RIC8B: variants seen among roughly 807,000 people sequenced by gnomAD.
RIC8B encodes the protein RIC8 guanine nucleotide exchange factor B.
A neutral mutation model predicts 57.5 loss-of-function variants in RIC8B; 16 were observed. That is an observed-to-expected ratio of 0.28 (90% CI 0.19 to 0.42). The LOEUF (loss-of-function observed/expected upper bound fraction) is 0.42, where lower values mean the gene tolerates loss of function less well. RIC8B is among the 10% of genes least tolerant of loss of function. The probability of loss-of-function intolerance (pLI) is 1.00; values close to 1 mark genes in which losing one functional copy is unlikely to be tolerated. For missense variants in RIC8B, 481 were observed against 677.0 expected (o/e 0.71, Z 3.21); for synonymous variants, 216 against 250.8 (o/e 0.86, Z 1.31).
chr12:106,840,576 T>G (rs142183712), intron 4 of RIC8B, among the ~76,000 whole-genome samples: 49 of 152,326 alleles, frequency 3.2e-4, no homozygotes, highest in African/African-American at 1.1e-3. Flanking sequence ...CCTTCCTTAC[T>G]TAAAAAGAAT....
At chr12:106,874,531 C>T (rs1183204478) in intron 9 of RIC8B, 1 of 1,551,154 alleles carries the variant, frequency 6.4e-7, no homozygotes, top group African/African-American at 1.4e-5. Context: ...CAACAGTGGC[C>T]CGTGCCAAAG....
intron 2 of RIC8B, among the ~76,000 whole-genome samples, chr12:106,785,742 G>A (rs986409339): frequency 1.3e-4 from 20 of 150,210 alleles, no homozygotes; most frequent in African/African-American, 4.5e-4. Flanking sequence ...CTTATCTACC[G>A]AGTGAGAATT....
Position 106,886,800 on chromosome 12 carries a change from C to G in RIC8B, c.*785C>G, listed in dbSNP as rs1951201993. 6.6e-6 allele frequency: 1 copy of G among 152,586 alleles called. No individual in the cohort carries two copies. The highest frequency in any genetic ancestry group is 1.5e-5 in the Non-Finnish European group (1 of 68,052). The allele number at this position is 152,586 out of a possible 1,614,324, so 9.5% of individuals were successfully genotyped here. ...TAACCCGGGGTGCCAGGAACACACACATCCTCCATCCCAGCATAGAGAATG... is the reference window on the plus strand; with the variant it reads ...TAACCCGGGGTGCCAGGAACACACAGATCCTCCATCCCAGCATAGAGAATG... On this transcript the variant is annotated 3_prime_UTR_variant, in exon 10 of 10. Transcript: ENST00000392837.
chr12:106,874,499 C>A, intron 9 of RIC8B: 1 of 1,551,258 alleles, frequency 6.4e-7, no homozygotes, highest in Non-Finnish European at 8.7e-7. Context: ...ATGTGAAGGA[C>A]CTGCACCAGG....
At chr12:106,821,981 G>A (rs1167392849) in intron 3 of RIC8B, among the ~76,000 whole-genome samples, 3 of 149,528 alleles carry the variant, frequency 2.0e-5, no homozygotes, top group Non-Finnish European at 3.0e-5. Context: ...AGGAGGCTGA[G>A]GCAGGACAAT....
In RIC8B at chr12:106,879,311, C is replaced by T. The variant is rs1950813006; in HGVS notation, c.1572-6593C>T. On this transcript the variant is annotated intron_variant, in intron 9 of 9. Coordinates refer to ENST00000392837, the MANE Select transcript of RIC8B (RefSeq NM_001330145.2). This position sits in a 1 kb window ranked among gnomAD's most constrained non-coding sequence, Gnocchi z 4.9. ...TTCAGGTCAAGTAAAGTGTTTTATA[C>T]ACATACACGTCTGACCTATTCTATA... The T allele has an allele frequency of 4.1e-6, 4 of 985,188 alleles. No homozygotes were observed. Among genetic ancestry groups the T allele is most frequent in the South Asian group, 4.7e-5 (1 of 21,288 alleles). The allele number at this position is 985,188 out of a possible 1,614,324, so 61.0% of individuals were successfully genotyped here.
intron 2 of RIC8B, among the ~76,000 whole-genome samples, chr12:106,809,472 G>A (rs1300805690): frequency 1.4e-5 from 2 of 147,790 alleles, no homozygotes; most frequent in African/African-American, 2.5e-5. Context: ...ACAGTGAGCC[G>A]AGATTGTGCC....
At chr12:106,792,493 C>T (rs144422750) in intron 2 of RIC8B, among the ~76,000 whole-genome samples, 12 of 152,286 alleles carry the variant, frequency 7.9e-5, no homozygotes, top group South Asian at 2.1e-4. Flanking sequence ...CAAGAAGTTC[C>T]GCTTCCAGCC....
chr12:106,830,590 G>C (rs1173144028), intron 4 of RIC8B, among the ~76,000 whole-genome samples: 1 of 152,180 alleles, frequency 6.6e-6, no homozygotes, highest in African/African-American at 2.4e-5. Context: ...TAATCATAAA[G>C]CTCTTAGCTC....
chr12:106,862,059 T>C (rs1176506440), intron 8 of RIC8B, among the ~76,000 whole-genome samples: 4 of 152,096 alleles, frequency 2.6e-5, no homozygotes, highest in South Asian at 2.1e-4. Context: ...TTTCAGGAAG[T>C]ACCTTCTGTT....
intron 1 of RIC8B, among the ~76,000 whole-genome samples, chr12:106,781,107 T>C (rs974376093): frequency 4.6e-5 from 7 of 152,136 alleles, no homozygotes; most frequent in African/African-American, 1.4e-4. Flanking sequence ...GATCTCTAAA[T>C]TGAACAATGG....
Position 106,879,043 on chromosome 12 carries a change from AAAG to A in RIC8B, c.1572-6856_1572-6854del. The A allele has an allele frequency of 2.0e-6, 2 of 985,780 alleles. No individual in the cohort carries two copies. The highest frequency in any genetic ancestry group is 2.4e-6 in the Non-Finnish European group (2 of 829,924). 61.1% of individuals were successfully genotyped at this position (985,780 alleles called of 1,614,324 possible). A position where few individuals can be genotyped will look rare whatever the true frequency, so the allele number is the denominator to read the frequency against. ...CCCTGTAGTACACAGAGCAGACAAG[AAAG>A]AAGAGCCCTTGAAAACAAGGGAATG... is the stretch of plus-strand genomic sequence containing the variant. On this transcript the variant is annotated intron_variant, in intron 9 of 9. Transcript: ENST00000392837. This position sits in a 1 kb window ranked among gnomAD's most constrained non-coding sequence, Gnocchi z 4.9.
chr12:106,832,662 A>G (rs1408155936), intron 4 of RIC8B, among the ~76,000 whole-genome samples: 1 of 152,190 alleles, frequency 6.6e-6, no homozygotes, highest in Non-Finnish European at 1.5e-5. Context: ...ATACTTAGTA[A>G]ATGCTCAATA....
rs1950819937 is a variant in RIC8B, at chr12:106,879,429, C to A, written c.1572-6475C>A. On this transcript the variant is annotated intron_variant, in intron 9 of 9. Coordinates refer to ENST00000392837, the MANE Select transcript of RIC8B (RefSeq NM_001330145.2). This position sits in a 1 kb window ranked among gnomAD's most constrained non-coding sequence, Gnocchi z 4.9. ...TATAGGAACCAGAAGCCCTAAAAAG[C>A]AGAACCTTCTCTAAGGTGCTGAGAA... 1.0e-5 allele frequency: 10 copies of A among 985,230 alleles called. No individual in the cohort carries two copies. The South Asian group carries it at 4.7e-4, about 46-fold the overall frequency. The allele number at this position is 985,230 out of a possible 1,614,324, so 61.0% of individuals were successfully genotyped here.
At chr12:106,885,843 G>A in intron 9 of RIC8B, 61 bp from the exon 10 acceptor site, 2 of 1,035,424 alleles carry the variant, frequency 1.9e-6, no homozygotes, top group Non-Finnish European at 3.0e-6. Context: ...GTGGGGGGGA[G>A]GGGTGTGTGT....
In RIC8B at chr12:106,802,724, G is replaced by A. The variant is rs148421464; in HGVS notation, c.133-11972G>A. Among the ~76,000 whole-genome samples the A allele has an allele frequency of 2.6e-3, 401 of 152,032 alleles. 2 individuals are homozygous for A. The highest frequency in any genetic ancestry group is 0.024 in the Middle Eastern group (7 of 294). ...TGTGTATCACTAGATACCAGTAAAA[G>A]AGAGTAGGACTGAGTCAAATAAGAA... On this transcript the variant is annotated intron_variant, in intron 2 of 9. Transcript: ENST00000392837.
intron 5 of RIC8B, among the ~76,000 whole-genome samples, chr12:106,843,239 A>G (rs998024893): frequency 1.3e-5 from 2 of 152,182 alleles, no homozygotes; most frequent in Non-Finnish European, 2.9e-5. Context: ...TGAGCTGTTT[A>G]TACATTCTCT....
At chr12:106,871,146 T>A in intron 9 of RIC8B, 1 of 410,770 alleles carries the variant, frequency 2.4e-6, no homozygotes, top group Non-Finnish European at 4.3e-6. Context: ...TCCTAAACAT[T>A]TAAACTCTCA....
chr12:106,883,719 C>G (rs547037762), intron 9 of RIC8B, among the ~76,000 whole-genome samples: 35 of 151,926 alleles, frequency 2.3e-4, no homozygotes, highest in African/African-American at 8.0e-4. Flanking sequence ...TATGATGACC[C>G]CCCTAATGAC....
Sources: allele counts gnomAD v4.1 joint callset (sites outside exome capture counted in the v4.1 genomes callset), GRCh38; gene constraint gnomAD v4.1.1; non-coding constraint Gnocchi (gnomAD v3.1); transcripts MANE v1.5; gene names NCBI Gene and HGNC (gene_info 2026-07-23, HGNC 2026-07-21).